ADGRB3: variants seen among roughly 807,000 people sequenced by gnomAD.
ADGRB3 encodes the protein brain-specific angiogenesis inhibitor 3.
ADGRB3 carries 37 observed loss-of-function variants against 193.4 expected under a neutral mutation model. The ratio of observed to expected loss-of-function variants is 0.19; its 90% confidence interval spans 0.15 to 0.25. ADGRB3 has a LOEUF of 0.25. Ranked by LOEUF, ADGRB3 falls within the 10% of genes least tolerant of loss-of-function variation. The probability of loss-of-function intolerance (pLI) is 1.00; values close to 1 mark genes in which losing one functional copy is unlikely to be tolerated. For synonymous variants in ADGRB3, 690 were observed against 644.2 expected, an observed-to-expected ratio of 1.07 and a Z score of -1.08; for missense variants, 1,637 against 1,852.9, an observed-to-expected ratio of 0.88 and a Z score of 2.14.
chr6:68,705,891 G>T (rs1235523182), intron 3 of ADGRB3, among the ~76,000 whole-genome samples: 1 of 152,154 alleles, frequency 6.6e-6, no homozygotes, highest in Non-Finnish European at 1.5e-5. Flanking sequence ...GGAAACATCA[G>T]GGGTGAGGAG....
chr6:68,934,758 T>G (rs1474997531), intron 4 of ADGRB3, among the ~76,000 whole-genome samples: 1 of 152,232 alleles, frequency 6.6e-6, no homozygotes, highest in Non-Finnish European at 1.5e-5. Context: ...CTATTTGGTT[T>G]ATAGAATAAT....
intron 3 of ADGRB3, among the ~76,000 whole-genome samples, chr6:68,742,712 T>C (rs1766004109): frequency 6.6e-6 from 1 of 152,016 alleles, no homozygotes; most frequent in Non-Finnish European, 1.5e-5. Context: ...TGTTAAATCA[T>C]CCTAAAATAT....
At chr6:69,374,296 G>T (rs1769767642) in intron 30 of ADGRB3, among the ~76,000 whole-genome samples, 1 of 152,074 alleles carries the variant, frequency 6.6e-6, no homozygotes, top group Non-Finnish European at 1.5e-5. Context: ...AAATGCGAAT[G>T]AATTGTGATA....
intron 3 of ADGRB3, among the ~76,000 whole-genome samples, chr6:68,776,894 C>G (rs1766758229): frequency 6.6e-6 from 1 of 152,000 alleles, no homozygotes; most frequent in African/African-American, 2.4e-5. Flanking sequence ...AAGCAAAATT[C>G]ACCTTAGTAG....
intron 3 of ADGRB3, among the ~76,000 whole-genome samples, chr6:68,728,611 G>T (rs933052888): frequency 6.6e-6 from 1 of 151,362 alleles, no homozygotes; most frequent in Non-Finnish European, 1.5e-5. Flanking sequence ...GCATGTGTGC[G>T]TATAGATATA....
chr6:69,361,746 G>A (rs1051989024), intron 29 of ADGRB3, among the ~76,000 whole-genome samples: 11 of 151,524 alleles, frequency 7.3e-5, no homozygotes, highest in African/African-American at 2.7e-4. Context: ...TATTTGAAAA[G>A]GAACCCATTA....
intron 20 of ADGRB3, among the ~76,000 whole-genome samples, chr6:69,319,064 C>A (rs1012655201): frequency 6.6e-6 from 1 of 150,912 alleles, no homozygotes; most frequent in Admixed American, 6.6e-5. Context: ...TTTTTAAAAT[C>A]TATTCCTCTT....
At chr6:69,115,016 C>T (rs1773489017) in intron 17 of ADGRB3, among the ~76,000 whole-genome samples, 1 of 152,120 alleles carries the variant, frequency 6.6e-6, no homozygotes, top group African/African-American at 2.4e-5. Context: ...ATTCGTTCAA[C>T]CATTGTGGAG....
chr6:69,182,681 A>C (rs1256655346), intron 17 of ADGRB3, among the ~76,000 whole-genome samples: 3 of 152,080 alleles, frequency 2.0e-5, no homozygotes, highest in Admixed American at 6.6e-5. Flanking sequence ...AAAATTGAAA[A>C]CACCTATCAT....
At position 69,256,452 on chromosome 6, in the gene ADGRB3, T is replaced by C. The variant is rs907337093; in HGVS notation, c.2814+17226T>C. On this transcript the variant is annotated intron_variant, in intron 20 of 31. Coordinates refer to ENST00000370598, the MANE Select transcript of ADGRB3 (RefSeq NM_001704.3). ...TAAGGTGGATTCCTAGGTATTTTATTCTCTTTGAAGCAATTGTGAATGGGC... is the reference window on the plus strand; with the variant it reads ...TAAGGTGGATTCCTAGGTATTTTATCCTCTTTGAAGCAATTGTGAATGGGC... Among the ~76,000 whole-genome samples the C allele has an allele frequency of 2.0e-4, 30 of 152,246 alleles. 1 individual carries two copies. In the South Asian group the frequency reaches 3.5e-3, roughly 18 times the overall value.
intron 17 of ADGRB3, among the ~76,000 whole-genome samples, chr6:69,080,011 C>G (rs1251109989): frequency 2.0e-5 from 3 of 152,042 alleles, no homozygotes; most frequent in African/African-American, 7.2e-5. Context: ...CTGAGACTGA[C>G]ACTGGCTTGT....
At chr6:69,038,932 A>C (rs1003118841) in intron 13 of ADGRB3, among the ~76,000 whole-genome samples, 4 of 152,210 alleles carry the variant, frequency 2.6e-5, no homozygotes, top group African/African-American at 9.6e-5. Context: ...TCCAGAAATA[A>C]ACAATTTATA....
At chr6:69,126,012 C>T (rs987633275) in intron 17 of ADGRB3, among the ~76,000 whole-genome samples, 2 of 152,256 alleles carry the variant, frequency 1.3e-5, no homozygotes, top group South Asian at 4.1e-4. Flanking sequence ...AAATCCATGA[C>T]TTTTAATTTG....
intron 3 of ADGRB3, among the ~76,000 whole-genome samples, chr6:68,731,439 A>C (rs1765773501): frequency 6.6e-6 from 1 of 151,674 alleles, no homozygotes; most frequent in African/African-American, 2.4e-5. Context: ...AAAAAGTTAC[A>C]AAAAAGCCCG....
chr6:69,230,731 T>C (rs116650897), intron 17 of ADGRB3, among the ~76,000 whole-genome samples: 231 of 152,360 alleles, frequency 1.5e-3, no homozygotes, highest in African/African-American at 5.1e-3. Context: ...AGTGATGAAA[T>C]GCAGAACTTG....
At chr6:68,823,401 T>C (rs1316080535) in intron 3 of ADGRB3, among the ~76,000 whole-genome samples, 1 of 151,986 alleles carries the variant, frequency 6.6e-6, no homozygotes, top group Non-Finnish European at 1.5e-5. Flanking sequence ...AGTAGATACA[T>C]AGATAGATAC....
intron 3 of ADGRB3, among the ~76,000 whole-genome samples, chr6:68,919,934 T>C (rs868651910): frequency 6.6e-6 from 1 of 152,296 alleles, no homozygotes; most frequent in South Asian, 2.1e-4. Flanking sequence ...TATTTTGCAG[T>C]TACCCTTTAT....
intron 3 of ADGRB3, among the ~76,000 whole-genome samples, chr6:68,869,231 C>G (rs531046573): frequency 2.6e-4 from 40 of 152,178 alleles, no homozygotes; most frequent in African/African-American, 8.7e-4. Flanking sequence ...ACCAAAGACT[C>G]CCAAGTTTTT....
intron 20 of ADGRB3, among the ~76,000 whole-genome samples, chr6:69,240,974 A>G (rs934317838): frequency 2.0e-5 from 3 of 151,994 alleles, no homozygotes; most frequent in Non-Finnish European, 2.9e-5. Flanking sequence ...TTTTCACAAA[A>G]CATTCTTCCT....
Sources: allele counts gnomAD v4.1 joint callset (sites outside exome capture counted in the v4.1 genomes callset), GRCh38; gene constraint gnomAD v4.1.1; transcripts MANE v1.5; gene names NCBI Gene and HGNC (gene_info 2026-07-23, HGNC 2026-07-21).